Variants in SLC25A48 observed in about 807,000 individuals in gnomAD.
The protein encoded by SLC25A48 is CTC-321K16.1.
SLC25A48 carries 29 observed loss-of-function variants against 32.2 expected under a neutral mutation model. The ratio of observed to expected loss-of-function variants is 0.90; its 90% confidence interval spans 0.67 to 1.23. SLC25A48 has a LOEUF of 1.23. Among genes scored for constraint, SLC25A48 ranks in the 50% most tolerant of loss-of-function variants. The pLI, the probability that SLC25A48 is intolerant of heterozygous loss-of-function variation, is 0.00. For synonymous variants in SLC25A48, 164 were observed against 172.3 expected (o/e 0.95, Z 0.38); for missense variants, 399 against 422.7 (o/e 0.94, Z 0.49).
intron 1 of SLC25A48, among the ~76,000 whole-genome samples, chr5:135,589,296 C>T (rs1751451263): frequency 6.6e-6 from 1 of 152,182 alleles, no homozygotes; most frequent in South Asian, 2.1e-4. Context: ...CTTGCAGTGG[C>T]TTGGGAAGCC....
At chr5:135,678,308 T>C (rs1753816685) in intron 3 of SLC25A48, among the ~76,000 whole-genome samples, 1 of 152,196 alleles carries the variant, frequency 6.6e-6, no homozygotes, top group Non-Finnish European at 1.5e-5. Context: ...ATCTAGTCTA[T>C]TGTTGAAGCT....
At chr5:135,733,941 C>T (rs1011702757) in intron 3 of SLC25A48, among the ~76,000 whole-genome samples, 1 of 152,008 alleles carries the variant, frequency 6.6e-6, no homozygotes, top group African/African-American at 2.4e-5. Context: ...ATAGGTAAAA[C>T]AATTTGGTTG....
intron 3 of SLC25A48, among the ~76,000 whole-genome samples, chr5:135,698,233 T>TC (rs1369053023): frequency 6.6e-6 from 1 of 152,212 alleles, no homozygotes; most frequent in Non-Finnish European, 1.5e-5. Context: ...CTGCTATGGT[T>TC]CTCATGGTCA....
intron 3 of SLC25A48, among the ~76,000 whole-genome samples, chr5:135,767,287 G>T (rs1373344902): frequency 1.3e-5 from 2 of 151,786 alleles, no homozygotes; most frequent in East Asian, 3.9e-4. Flanking sequence ...TGTCCAGAAG[G>T]CGAGAGGATG....
chr5:135,812,327 A>G (rs951827845), intron 3 of SLC25A48, among the ~76,000 whole-genome samples: 3 of 152,090 alleles, frequency 2.0e-5, no homozygotes, highest in African/African-American at 7.2e-5. Flanking sequence ...TCCCATTTAT[A>G]CTTTTTTAGT....
At chr5:135,622,032 A>G (rs1049023851) in intron 1 of SLC25A48, among the ~76,000 whole-genome samples, 1 of 152,234 alleles carries the variant, frequency 6.6e-6, no homozygotes, top group Non-Finnish European at 1.5e-5. Flanking sequence ...AAAGGACATA[A>G]ATAACCAAAC....
chr5:135,852,664 C>A lies in SLC25A48; in HGVS notation c.264C>A (p.Ser88Arg). Residue 88 changes from serine (S) to arginine (R), a missense_variant, in exon 4 of 8, where the codon AGC becomes AGA. Physicochemically the swap from Ser to Arg is moderately radical, Grantham distance 110. Coordinates refer to ENST00000681962, the MANE Select transcript of SLC25A48 (RefSeq NM_001349336.2). ...TCAGTAACACGCAGCGGTTCCTCAG[C>A]CAGCACCGCTGCGGGGAGCCAGAGG... is the stretch of plus-strand genomic sequence containing the variant. Reference protein sequence around the residue: ...GVFSNTQRFLSQHRCGEPEAS... With the variant: ...GVFSNTQRFLRQHRCGEPEAS... 3 of 1,613,936 alleles carry A rather than the reference C, an allele frequency of 1.9e-6. No individual in the cohort carries two copies. Among genetic ancestry groups the A allele is most frequent in the Non-Finnish European group, 2.5e-6 (3 of 1,179,858 alleles).
At chr5:135,659,020 C>T (rs1753324078) in intron 3 of SLC25A48, among the ~76,000 whole-genome samples, 1 of 152,222 alleles carries the variant, frequency 6.6e-6, no homozygotes, top group South Asian at 2.1e-4. Context: ...AAGGCATTTT[C>T]CCTATTGTCT....
At chr5:135,723,380 T>TCTCTCTCTCTCACACACACA (rs1356362581) in intron 3 of SLC25A48, among the ~76,000 whole-genome samples, 6 of 111,714 alleles carry the variant, frequency 5.4e-5, no homozygotes, top group African/African-American at 2.0e-4. Context: ...TCTCTCTCTC[T>TCTCTCTCTCTCACACACACA]CACACACACA....
chr5:135,626,882 C>T (rs189830827), intron 1 of SLC25A48, among the ~76,000 whole-genome samples: 7 of 152,284 alleles, frequency 4.6e-5, no homozygotes, highest in South Asian at 2.1e-4. Context: ...CCAGACCTTC[C>T]GATGCTCCTT....
chr5:135,865,765 G>A (rs901153545), intron 4 of SLC25A48, among the ~76,000 whole-genome samples: 3 of 152,214 alleles, frequency 2.0e-5, no homozygotes, highest in South Asian at 2.1e-4. Flanking sequence ...GGCATGGGCT[G>A]TGGGGACCTT....
At chr5:135,706,406 C>T (rs1412055982) in intron 3 of SLC25A48, among the ~76,000 whole-genome samples, 2 of 152,234 alleles carry the variant, frequency 1.3e-5, no homozygotes, top group African/African-American at 4.8e-5. Flanking sequence ...TGGTAAAGCA[C>T]TTTTAGCCTC....
chr5:135,814,368 C>T (rs933430881), intron 4 of SLC25A48, among the ~76,000 whole-genome samples: 1 of 152,228 alleles, frequency 6.6e-6, no homozygotes, highest in Non-Finnish European at 1.5e-5. Flanking sequence ...CCTCTGCTTT[C>T]TGAGAACTCC....
rs1030149678 is a variant in SLC25A48, at chr5:135,715,575, C to T, written c.-521+80619C>T. ...CAGGAGCGGGTTGGGAGGCTGTGAC[C>T]GGTCAGAGGTGACTTCACCTTACTG... On this transcript the variant is annotated intron_variant, in intron 3 of 10. Coordinates refer to the SLC25A48 transcript ENST00000646290. Among the ~76,000 whole-genome samples the T allele has an allele frequency of 6.6e-5, 10 of 152,170 alleles. No individual in the cohort carries two copies. In the East Asian group the frequency reaches 1.7e-3, roughly 26 times the overall value.
At chr5:135,643,041 G>A (rs1415835603) in intron 3 of SLC25A48, among the ~76,000 whole-genome samples, 1 of 152,208 alleles carries the variant, frequency 6.6e-6, no homozygotes, top group African/African-American at 2.4e-5. Context: ...ACACAGGAAG[G>A]GAAGTGGGCA....
At chr5:135,755,129 A>T (rs942452362) in intron 3 of SLC25A48, among the ~76,000 whole-genome samples, 30 of 152,088 alleles carry the variant, frequency 2.0e-4, no homozygotes, top group African/African-American at 7.0e-4. Context: ...TTAATGAAAT[A>T]TTGCAGCGTT....
chr5:135,810,889 A>G (rs1255177138), intron 3 of SLC25A48, among the ~76,000 whole-genome samples: 1 of 152,176 alleles, frequency 6.6e-6, no homozygotes, highest in East Asian at 1.9e-4. Flanking sequence ...GGGTCTGGAT[A>G]AGCGAATGTT....
Position 135,871,477 on chromosome 5 carries a change from G to A in SLC25A48, c.438G>A (p.Lys146=). The A allele has an allele frequency of 6.3e-7, 1 of 1,596,624 alleles. No individual in the cohort carries two copies. The change falls in exon 5 of 8, where the codon AAG becomes AAA. Residue 146 remains lysine, a synonymous_variant. Transcript: ENST00000681962. Reference sequence around the variant, plus strand: ...TCTTTGCAGCCAACCTCGGTTTGAAGTCCAGGGCAGTGGCTCCTGCGGAGC... The same window carrying A: ...TCTTTGCAGCCAACCTCGGTTTGAAATCCAGGGCAGTGGCTCCTGCGGAGC... ...QPFRDANLGL[K]SRAVAPAEQP...
intron 3 of SLC25A48, among the ~76,000 whole-genome samples, chr5:135,745,336 A>T (rs545147250): frequency 6.6e-6 from 1 of 152,148 alleles, no homozygotes; most frequent in Non-Finnish European, 1.5e-5. Context: ...GTTTAGGAAC[A>T]CCTTGAGCGG....
Sources: allele counts gnomAD v4.1 joint callset (sites outside exome capture counted in the v4.1 genomes callset), GRCh38; gene constraint gnomAD v4.1.1; transcripts MANE v1.5; gene names NCBI Gene and HGNC (gene_info 2026-07-23, HGNC 2026-07-21).